Variants in FAM185A observed in about 807,000 individuals in gnomAD.
FAM185A encodes family with sequence similarity 185 member A.
Under a neutral mutation model 45.7 loss-of-function variants are expected in FAM185A, and 21 were observed. The observed-to-expected ratio is 0.46, with a 90% confidence interval of 0.33 to 0.66. The LOEUF (loss-of-function observed/expected upper bound fraction) is 0.66. Among genes scored for constraint, FAM185A ranks in the 30% least tolerant of loss-of-function variants. The pLI is 0.03. For missense variants in FAM185A, 305 were observed against 485.4 expected (o/e 0.63, Z 3.49); for synonymous variants, 117 against 194.0 (o/e 0.60, Z 3.30).
At chr7:102,807,865 C>T (rs888602272) in intron 7 of FAM185A, among the ~76,000 whole-genome samples, 5 of 152,144 alleles carry the variant, frequency 3.3e-5, no homozygotes, top group Non-Finnish European at 1.5e-5. Flanking sequence ...TCAAAACCAG[C>T]CTGGCCAACA....
At chr7:102,822,907 C>T in the FAM185A span, among the ~76,000 whole-genome samples, 1 of 152,040 alleles carries the variant, frequency 6.6e-6, no homozygotes, top group Non-Finnish European at 1.5e-5. Context: ...CCCAAAAATA[C>T]AAAAATTAGC....
chr7:102,787,001 A>G (rs1391820301), intron 6 of FAM185A, among the ~76,000 whole-genome samples: 1 of 152,182 alleles, frequency 6.6e-6, no homozygotes, highest in Non-Finnish European at 1.5e-5. Context: ...CTCATATTAA[A>G]TGCTCAATGG....
the FAM185A span, among the ~76,000 whole-genome samples, chr7:102,831,808 T>C: frequency 6.6e-6 from 1 of 152,166 alleles, no homozygotes; most frequent in East Asian, 1.9e-4. Context: ...TCTCCTCTCC[T>C]GTTTTCCTTA....
intron 7 of FAM185A, among the ~76,000 whole-genome samples, chr7:102,797,425 G>C (rs1584355497): frequency 6.6e-6 from 1 of 152,022 alleles, no homozygotes; most frequent in African/African-American, 2.4e-5. Flanking sequence ...GCAGTAAGCC[G>C]AGATCGCACC....
chr7:102,814,120 TAAAG>T (rs1346423725), downstream of FAM185A, among the ~76,000 whole-genome samples: 2 of 152,088 alleles, frequency 1.3e-5, no homozygotes, highest in African/African-American at 2.4e-5. Flanking sequence ...AACAAGAAAG[TAAAG>T]AATGCATCAG....
chr7:102,774,414 A>G (rs1794934634), intron 5 of FAM185A, among the ~76,000 whole-genome samples: 1 of 151,686 alleles, frequency 6.6e-6, no homozygotes, highest in African/African-American at 2.4e-5. Flanking sequence ...TATCTTTATT[A>G]CTTTTCTTTT....
chr7:102,781,133 G>C (rs74629971), intron 6 of FAM185A, among the ~76,000 whole-genome samples: 1 of 152,154 alleles, frequency 6.6e-6, no homozygotes, highest in Non-Finnish European at 1.5e-5. Context: ...CACCATTGCC[G>C]AGGCTTGAGT....
chr7:102,798,226 A>T (rs1318885838), intron 7 of FAM185A, among the ~76,000 whole-genome samples: 2 of 152,238 alleles, frequency 1.3e-5, no homozygotes, highest in African/African-American at 4.8e-5. Flanking sequence ...GTAAATAAGG[A>T]GGAAGGCTTT....
chr7:102,803,372 T>C (rs1796908359), intron 7 of FAM185A, among the ~76,000 whole-genome samples: 1 of 152,146 alleles, frequency 6.6e-6, no homozygotes, highest in African/African-American at 2.4e-5. Flanking sequence ...GAGGGATGGT[T>C]TAACATATGC....
the FAM185A span, among the ~76,000 whole-genome samples, chr7:102,823,435 A>G: frequency 6.6e-6 from 1 of 152,344 alleles, no homozygotes; most frequent in South Asian, 2.1e-4. Flanking sequence ...GGTGAGACAG[A>G]TGTTTGGAAG....
At chr7:102,841,341 G>A in the FAM185A span, among the ~76,000 whole-genome samples, 2 of 151,850 alleles carry the variant, frequency 1.3e-5, no homozygotes, top group East Asian at 3.8e-4. Flanking sequence ...GGGCTCCTAC[G>A]GATTATCTTC....
the FAM185A span, chr7:102,832,998 T>G: frequency 6.2e-7 from 1 of 1,613,480 alleles, no homozygotes; most frequent in Middle Eastern, 1.7e-4. Flanking sequence ...CAAGGTCAAA[T>G]TTTTTCTTTT....
chr7:102,845,237 T>C, the FAM185A span, among the ~76,000 whole-genome samples: 6 of 151,970 alleles, frequency 3.9e-5, no homozygotes, highest in Admixed American at 2.0e-4. Flanking sequence ...AACCAAGAAC[T>C]CACCAAGAGT....
intron 7 of FAM185A, among the ~76,000 whole-genome samples, chr7:102,795,856 A>C (rs1044193985): frequency 1.3e-5 from 2 of 152,132 alleles, no homozygotes; most frequent in Non-Finnish European, 2.9e-5. Context: ...AAGTAACTTA[A>C]CTGCATCCTT....
the FAM185A span, among the ~76,000 whole-genome samples, chr7:102,835,670 C>T: frequency 2.9e-4 from 29 of 100,168 alleles, no homozygotes; most frequent in Middle Eastern, 0.016. Context: ...AGTGCAGTGG[C>T]GCAATCTCGG....
chr7:102,778,338 T>C (rs1262235999), intron 6 of FAM185A, among the ~76,000 whole-genome samples: 1 of 152,280 alleles, frequency 6.6e-6, no homozygotes, highest in Non-Finnish European at 1.5e-5. Context: ...CCTCACTAAA[T>C]CTAAGAGCTT....
At chr7:102,840,012 G>A in the FAM185A span, among the ~76,000 whole-genome samples, 1 of 152,024 alleles carries the variant, frequency 6.6e-6, no homozygotes, top group Admixed American at 6.6e-5. Flanking sequence ...AAATCTTGAT[G>A]GCTTACTGGC....
chr7:102,829,500 C>G, the FAM185A span, among the ~76,000 whole-genome samples: 1 of 152,156 alleles, frequency 6.6e-6, no homozygotes, highest in Admixed American at 6.5e-5. Flanking sequence ...TTTCCCACCC[C>G]CTTTTCTTTC....
At chr7:102,848,328 G>A in the FAM185A span, among the ~76,000 whole-genome samples, 5 of 111,008 alleles carry the variant, frequency 4.5e-5, 2 homozygotes, top group Non-Finnish European at 8.6e-5. Flanking sequence ...AGGCCGAGGC[G>A]GGCGGATCAC....
Sources: gnomAD v4.1 joint callset for allele counts (sites outside exome capture counted in the v4.1 genomes callset) on GRCh38, gnomAD v4.1.1 for gene constraint, MANE v1.5 for transcripts, NCBI Gene and HGNC (gene_info 2026-07-23, HGNC 2026-07-21) for gene names.